OR4F16: variants seen among roughly 807,000 people sequenced by gnomAD.
OR4F16 encodes olfactory receptor family 4 subfamily F member 16, also known as olfactory receptor 4F3/4F16/4F29.
At chr1:690,103 A>G (rs1643037785), upstream of OR4F16, among the ~76,000 whole-genome samples, 1 of 114,352 alleles carries the variant, frequency 8.7e-6, no homozygotes, top group African/African-American at 3.7e-5. Context: ...GCCCTGTTGG[A>G]CTCACAGAGT....
the OR4F16 span, among the ~76,000 whole-genome samples, chr1:680,042 G>A: frequency 7.5e-6 from 1 of 132,458 alleles, no homozygotes; most frequent in Non-Finnish European, 1.6e-5. Context: ...TCATCCCTGG[G>A]ATACAAGGCT....
chr1:701,374 G>T, the OR4F16 span, among the ~76,000 whole-genome samples: 1 of 149,776 alleles, frequency 6.7e-6, no homozygotes, highest in Non-Finnish European at 1.5e-5. Context: ...TACCGAAAAA[G>T]TTTGTGGATC....
the OR4F16 span, among the ~76,000 whole-genome samples, chr1:710,054 CAT>C: frequency 6.7e-6 from 1 of 148,676 alleles, no homozygotes; most frequent in Admixed American, 6.8e-5. Context: ...AATAGATTCA[CAT>C]GTGAGAAAAC....
upstream of OR4F16, among the ~76,000 whole-genome samples, chr1:690,012 T>C (rs78120997): frequency 0.15 from 14,518 of 95,862 alleles, 762 homozygotes; most frequent in African/African-American, 0.4. Context: ...TCACCTTTAA[T>C]ACACTCATCT....
chr1:701,852 T>G, the OR4F16 span: 8 of 151,768 alleles, frequency 5.3e-5, no homozygotes, highest in Non-Finnish European at 1.0e-4. Context: ...TGAAATGATC[T>G]GTACAATAAC....
upstream of OR4F16, among the ~76,000 whole-genome samples, chr1:687,410 TAATA>T (rs1373365326): frequency 7.2e-6 from 1 of 138,014 alleles, no homozygotes; most frequent in African/African-American, 2.9e-5. Context: ...TTTCCATGCC[TAATA>T]AATATGTTTT....
chr1:717,104 T>C, the OR4F16 span, among the ~76,000 whole-genome samples: 2 of 138,598 alleles, frequency 1.4e-5, no homozygotes, highest in Non-Finnish European at 3.1e-5. Context: ...TTTGAGGTGA[T>C]GGATATGCTA....
chr1:712,087 T>G, the OR4F16 span, among the ~76,000 whole-genome samples: 2 of 2,514 alleles, frequency 8.0e-4, 1 homozygote, highest in Non-Finnish European at 2.5e-3. Context: ...ATATTATATA[T>G]TATATATCAT....
chr1:679,967 A>G, the OR4F16 span, among the ~76,000 whole-genome samples: 1 of 135,894 alleles, frequency 7.4e-6, no homozygotes, highest in Non-Finnish European at 1.6e-5. Flanking sequence ...AAAATCCTCA[A>G]TAAAATACTG....
the OR4F16 span, among the ~76,000 whole-genome samples, chr1:701,221 A>T: frequency 2.8e-5 from 4 of 145,010 alleles, no homozygotes; most frequent in Non-Finnish European, 4.5e-5. Flanking sequence ...AAAACTTGAA[A>T]GAGCTTAAGA....
At chr1:713,597 T>A in the OR4F16 span, among the ~76,000 whole-genome samples, 1 of 116,092 alleles carries the variant, frequency 8.6e-6, no homozygotes, top group Non-Finnish European at 1.6e-5. Context: ...TTTCTTCTTT[T>A]CATATTTTTG....
At chr1:691,169 T>C (rs1256626907), upstream of OR4F16, among the ~76,000 whole-genome samples, 4 of 151,576 alleles carry the variant, frequency 2.6e-5, no homozygotes, top group African/African-American at 9.8e-5. Flanking sequence ...AAATAAGTGA[T>C]ATAATATAGG....
the OR4F16 span, among the ~76,000 whole-genome samples, chr1:693,411 T>TAATG: frequency 8.0e-5 from 8 of 100,442 alleles, no homozygotes; most frequent in Non-Finnish European, 1.6e-4. Context: ...TCAAATGTAT[T>TAATG]AATGAATGAA....
the OR4F16 span, among the ~76,000 whole-genome samples, chr1:692,727 TA>T: frequency 7.0e-6 from 1 of 142,254 alleles, no homozygotes; most frequent in Non-Finnish European, 1.5e-5. Flanking sequence ...TACTGGTAAG[TA>T]AAAACCCAAA....
the OR4F16 span, among the ~76,000 whole-genome samples, chr1:711,391 GAATT>G: frequency 5.6e-5 from 8 of 142,128 alleles, no homozygotes; most frequent in Admixed American, 3.6e-4. Context: ...TTTTTGTAAG[GAATT>G]AATAAATAAA....
the OR4F16 span, among the ~76,000 whole-genome samples, chr1:718,483 T>C: frequency 1.0e-5 from 1 of 96,994 alleles, no homozygotes; most frequent in Admixed American, 1.2e-4. Flanking sequence ...AATCTACATC[T>C]TTAATGTATG....
chr1:700,978 A>G, the OR4F16 span, among the ~76,000 whole-genome samples: 1 of 25,906 alleles, frequency 3.9e-5, no homozygotes, highest in South Asian at 1.1e-3. Flanking sequence ...TTGTTGTTTT[A>G]AGCTGCTAAG....
chr1:717,447 G>GA, the OR4F16 span, among the ~76,000 whole-genome samples: 6,157 of 117,208 alleles, frequency 0.053, 262 homozygotes, highest in African/African-American at 0.2. Context: ...TTTTAAAACT[G>GA]AAAAAAATCC....
chr1:687,477 AG>A (rs1643022033), upstream of OR4F16, among the ~76,000 whole-genome samples: 1 of 137,978 alleles, frequency 7.2e-6, no homozygotes, highest in Non-Finnish European at 1.5e-5. Context: ...ATGGCCACAG[AG>A]GTTGTGAGAA....
Sources: gnomAD v4.1 joint callset for allele counts (sites outside exome capture counted in the v4.1 genomes callset) on GRCh38, gnomAD v4.1.1 for gene constraint, MANE v1.5 for transcripts, NCBI Gene and HGNC (gene_info 2026-07-23, HGNC 2026-07-21) for gene names.